Variants in PPM1H observed in about 807,000 individuals in gnomAD.
PPM1H encodes protein phosphatase 1H.
PPM1H carries 27 observed loss-of-function variants against 54.9 expected under a neutral mutation model. That is an observed-to-expected ratio of 0.49 (90% CI 0.36 to 0.68). The LOEUF (loss-of-function observed/expected upper bound fraction) is 0.68, where lower values mean the gene tolerates loss of function less well. Among genes scored for constraint, PPM1H ranks in the 30% least tolerant of loss-of-function variants. PPM1H has a pLI of 0.00. For synonymous variants in PPM1H, 305 were observed against 270.8 expected (o/e 1.13, Z -1.24); for missense variants, 596 against 667.8 (o/e 0.89, Z 1.19).
chr12:62,776,413 T>C (rs1237678214), intron 4 of PPM1H, among the ~76,000 whole-genome samples: 4 of 152,248 alleles, frequency 2.6e-5, no homozygotes, highest in African/African-American at 4.8e-5. Context: ...ATTTTACTTA[T>C]GTGCCTTGCT....
intron 4 of PPM1H, among the ~76,000 whole-genome samples, chr12:62,773,690 A>G (rs964683050): frequency 6.6e-6 from 1 of 152,100 alleles, no homozygotes; most frequent in African/African-American, 2.4e-5. Flanking sequence ...CAAGTGGCAG[A>G]CACTGTGTCT....
chr12:62,673,413 G>T (rs1311840430), intron 8 of PPM1H, among the ~76,000 whole-genome samples: 1 of 152,142 alleles, frequency 6.6e-6, no homozygotes, highest in African/African-American at 2.4e-5. Context: ...GGCATGTTAG[G>T]AGGGCTCATA....
intron 3 of PPM1H, among the ~76,000 whole-genome samples, chr12:62,792,852 C>G (rs2076708192): frequency 6.6e-6 from 1 of 152,198 alleles, no homozygotes; most frequent in African/African-American, 2.4e-5. Flanking sequence ...GGTTCTTTTA[C>G]TATCAGAGCA....
chr12:62,697,274 G>C (rs919925077), intron 6 of PPM1H, among the ~76,000 whole-genome samples: 2 of 152,050 alleles, frequency 1.3e-5, no homozygotes, highest in Non-Finnish European at 2.9e-5. Context: ...TTACAGGTGA[G>C]TGCCACCGTG....
intron 4 of PPM1H, among the ~76,000 whole-genome samples, chr12:62,768,425 G>T (rs1285047706): frequency 6.6e-6 from 1 of 152,174 alleles, no homozygotes; most frequent in Non-Finnish European, 1.5e-5. Context: ...GGAGGCCAAG[G>T]TGGGCGGATC....
chr12:62,791,378 C>A (rs1168412671), intron 3 of PPM1H, among the ~76,000 whole-genome samples: 3 of 152,052 alleles, frequency 2.0e-5, no homozygotes, highest in Non-Finnish European at 4.4e-5. Flanking sequence ...TCCAAGAAAA[C>A]CCATAAAAAC....
At chr12:62,900,448 A>G (rs1259562975) in intron 1 of PPM1H, among the ~76,000 whole-genome samples, 1 of 151,970 alleles carries the variant, frequency 6.6e-6, no homozygotes. Flanking sequence ...TGATGAGTTA[A>G]TGGGTGCAGC....
At chr12:62,678,253 T>C (rs1293124152) in intron 8 of PPM1H, among the ~76,000 whole-genome samples, 1 of 152,216 alleles carries the variant, frequency 6.6e-6, no homozygotes, top group East Asian at 1.9e-4. Flanking sequence ...AGGATTTGCA[T>C]TTTTGAAACC....
chr12:62,781,667 T>C (rs553232733), intron 4 of PPM1H, among the ~76,000 whole-genome samples: 2 of 152,364 alleles, frequency 1.3e-5, no homozygotes, highest in South Asian at 4.1e-4. Context: ...TCCCAGGTGA[T>C]GCTGCTGCCA....
chr12:62,729,224 C>T (rs2076306876), intron 5 of PPM1H, among the ~76,000 whole-genome samples: 1 of 152,162 alleles, frequency 6.6e-6, no homozygotes, highest in Admixed American at 6.5e-5. Flanking sequence ...GTGGGTCACA[C>T]ACTGAAGAGG....
intron 4 of PPM1H, among the ~76,000 whole-genome samples, chr12:62,787,637 T>C (rs1424413536): frequency 6.6e-6 from 1 of 152,168 alleles, no homozygotes; most frequent in Non-Finnish European, 1.5e-5. Context: ...TTGGGCAACA[T>C]AGTGAGACCC....
At chr12:62,718,007 C>T (rs2076244599) in intron 6 of PPM1H, among the ~76,000 whole-genome samples, 1 of 152,234 alleles carries the variant, frequency 6.6e-6, no homozygotes, top group South Asian at 2.1e-4. Flanking sequence ...ATAGAAAGAA[C>T]ATAGGTACAG....
At chr12:62,868,951 C>T (rs1180252835) in intron 1 of PPM1H, among the ~76,000 whole-genome samples, 1 of 152,176 alleles carries the variant, frequency 6.6e-6, no homozygotes, top group South Asian at 2.1e-4. Context: ...GGATAAAAAC[C>T]AGGTGTAAAT....
Position 62,830,318 on chromosome 12 carries a change from T to G in PPM1H, c.411+1796A>C, listed in dbSNP as rs370317067. On this transcript the variant is annotated intron_variant, in intron 2 of 9. Coordinates refer to ENST00000228705, the MANE Select transcript of PPM1H (RefSeq NM_020700.2). ...TCACCCAGGCTGGAGTGCAGTGGCG[T>G]GATCTCAGCTCACTGCAAGCTCTGC... is the stretch of plus-strand genomic sequence containing the variant. Among the ~76,000 whole-genome samples the G allele has an allele frequency of 3.4e-4, 52 of 151,940 alleles. No homozygotes were observed. In the East Asian group the frequency reaches 9.7e-3, roughly 28 times the overall value.
Position 62,646,385 on chromosome 12 carries a change from G to C in PPM1H, c.*2104C>G, listed in dbSNP as rs2075784957. On this transcript the variant is annotated 3_prime_UTR_variant, in exon 10 of 10. Coordinates refer to ENST00000228705, the MANE Select transcript of PPM1H (RefSeq NM_020700.2). ...AGGGCCCAGATAGAGGCCCAGGAAA[G>C]CAAATAAATGAAAGACGGTGGGGAC... The C allele has an allele frequency of 6.6e-6, 1 of 152,190 alleles. No individual in the cohort carries two copies. The highest frequency in any genetic ancestry group is 2.4e-5 in the African/African-American group (1 of 41,420). 9.4% of individuals were successfully genotyped at this position (152,190 alleles called of 1,614,324 possible).
intron 1 of PPM1H, among the ~76,000 whole-genome samples, chr12:62,873,360 A>T (rs1163185202): frequency 6.6e-6 from 1 of 152,228 alleles, no homozygotes; most frequent in East Asian, 1.9e-4. Context: ...CAGATCCTTC[A>T]GTTCCTGTTA....
intron 4 of PPM1H, among the ~76,000 whole-genome samples, chr12:62,774,017 T>A (rs532156389): frequency 4.2e-4 from 64 of 152,082 alleles, no homozygotes; most frequent in Non-Finnish European, 7.4e-4. Context: ...TGACCAGCAT[T>A]CCCCCCCAAA....
intron 1 of PPM1H, among the ~76,000 whole-genome samples, chr12:62,865,264 C>T (rs1869733977): frequency 2.0e-5 from 3 of 152,168 alleles, no homozygotes; most frequent in Admixed American, 1.3e-4. Context: ...CTCAGCTCCC[C>T]AGAATAACTC....
rs151277500 is a variant in PPM1H at position 62,663,129 on chromosome 12, G to T, written c.1397+4049C>A. Among the ~76,000 whole-genome samples, 8 of 152,176 alleles carry T rather than the reference G, an allele frequency of 5.3e-5. No individual in the cohort carries two copies. In the East Asian group the frequency reaches 1.5e-3, roughly 29 times the overall value. ...GTTTACCCGTCCCACCACTGGACACGCAAGTTACTTCCAGTTTCTGTAATA... is the reference window on the plus strand; with the variant it reads ...GTTTACCCGTCCCACCACTGGACACTCAAGTTACTTCCAGTTTCTGTAATA... On this transcript the variant is annotated intron_variant, in intron 9 of 9. Coordinates refer to ENST00000228705, the MANE Select transcript of PPM1H (RefSeq NM_020700.2).
Sources: gnomAD v4.1 joint callset for allele counts (sites outside exome capture counted in the v4.1 genomes callset) on GRCh38, gnomAD v4.1.1 for gene constraint, MANE v1.5 for transcripts, NCBI Gene and HGNC (gene_info 2026-07-23, HGNC 2026-07-21) for gene names.